The following ATRNL1 variants were observed in gnomAD, a reference collection of about 807,000 sequenced individuals.
The protein encoded by ATRNL1 is attractin-like protein 1.
ATRNL1 carries 95 observed loss-of-function variants against 182.7 expected under a neutral mutation model. The ratio of observed to expected loss-of-function variants is 0.52; its 90% CI spans 0.44 to 0.62. The LOEUF is 0.62. Among genes scored for constraint, ATRNL1 ranks in the 20% least tolerant of loss-of-function variants. The probability of loss-of-function intolerance (pLI) is 0.00; values close to 1 mark genes in which losing one functional copy is unlikely to be tolerated. For missense variants in ATRNL1, 1,471 were observed against 1,679.5 expected, an observed-to-expected ratio of 0.88 and a Z score of 2.17; for synonymous variants, 576 against 568.3, an observed-to-expected ratio of 1.01 and a Z score of -0.19.
intron 19 of ATRNL1, among the ~76,000 whole-genome samples, chr10:115,360,614 C>A (rs116491811): frequency 6.7e-6 from 1 of 150,130 alleles, no homozygotes; most frequent in Non-Finnish European, 1.5e-5. Context: ...AAAAAAAATC[C>A]GATTATTAGT....
chr10:115,561,553 C>T lies in ATRNL1; in HGVS notation c.3795+12017C>T, dbSNP rs782014345. On this transcript the variant is annotated intron_variant, in intron 26 of 28. Transcript: ENST00000355044. ...GAAATGATATAAATGGGAAAATGTG[C>T]ATAGGTTATATGCCACTATGACACC... 5.9e-5 allele frequency among the ~76,000 whole-genome samples: 9 copies of T among 151,974 alleles called. 1 individual carries two copies. The highest frequency in any genetic ancestry group is 1.3e-4 in the Non-Finnish European group (9 of 68,014).
At chr10:115,442,270 G>GCTCTCTCTCTCT (rs71895625) in intron 21 of ATRNL1, among the ~76,000 whole-genome samples, 1,145 of 100,346 alleles carry the variant, frequency 0.011, 52 homozygotes, top group African/African-American at 0.047. Context: ...ATTTGTGTTT[G>GCTCTCTCTCTCT]CTCTCTCTCT....
At chr10:115,628,794 G>A (rs1409813835) in intron 26 of ATRNL1, among the ~76,000 whole-genome samples, 2 of 152,038 alleles carry the variant, frequency 1.3e-5, no homozygotes, top group African/African-American at 4.8e-5. Context: ...AATAGTATTT[G>A]GTTGGTGCAA....
chr10:115,547,099 C>CA (rs1411080119), intron 25 of ATRNL1, among the ~76,000 whole-genome samples: 2 of 151,338 alleles, frequency 1.3e-5, no homozygotes, highest in African/African-American at 4.9e-5. Context: ...ACTAAAAATA[C>CA]AAAAAAATTA....
intron 22 of ATRNL1, among the ~76,000 whole-genome samples, chr10:115,462,572 A>G (rs957516145): frequency 5.9e-5 from 9 of 152,142 alleles, no homozygotes; most frequent in Non-Finnish European, 1.0e-4. Flanking sequence ...AGATCACGCC[A>G]CTGCACTCCA....
chr10:115,236,749 T>G (rs1554901521), intron 9 of ATRNL1, among the ~76,000 whole-genome samples: 1 of 152,190 alleles, frequency 6.6e-6, no homozygotes, highest in East Asian at 1.9e-4. Context: ...TGTTGATACA[T>G]TACTCATTAA....
intron 8 of ATRNL1, among the ~76,000 whole-genome samples, chr10:115,199,372 C>T (rs1476099419): frequency 1.3e-5 from 2 of 151,892 alleles, no homozygotes; most frequent in Non-Finnish European, 2.9e-5. Context: ...CGAGACCTTC[C>T]AGGCCAACAT....
Position 115,944,742 on chromosome 10 carries a change from G to C in ATRNL1, c.4103G>C (p.Arg1368Pro). ...SKDKTSGVRN[R>P]KHLSTRQGTC... ...GATAAGACTTCTGGAGTCCGGAATCGAAAACACCTTTCAACACGTCAAGGA... is the reference window on the plus strand; with the variant it reads ...GATAAGACTTCTGGAGTCCGGAATCCAAAACACCTTTCAACACGTCAAGGA... Residue 1368 changes from arginine to proline, a missense_variant, in exon 29 of 29, where the codon CGA becomes CCA. Physicochemically the swap from Arg to Pro is moderately radical, Grantham distance 103. Around this residue, in one of 3 missense-constraint regions of ATRNL1, gnomAD observed 437 missense variants for 506.0 expected, o/e 0.86. Transcript: ENST00000355044. 1 of 1,613,634 alleles carries C rather than the reference G, an allele frequency of 6.2e-7. No individual in the cohort carries two copies. The highest frequency in any genetic ancestry group is 8.5e-7 in the Non-Finnish European group (1 of 1,179,716).
At chr10:115,354,554 C>T (rs934850049) in intron 19 of ATRNL1, among the ~76,000 whole-genome samples, 2 of 152,068 alleles carry the variant, frequency 1.3e-5, no homozygotes, top group Non-Finnish European at 2.9e-5. Context: ...AGGCTGCTGC[C>T]AGAAATATCA....
chr10:115,876,964 A>G (rs1951714445), intron 28 of ATRNL1, among the ~76,000 whole-genome samples: 1 of 152,230 alleles, frequency 6.6e-6, no homozygotes, highest in Non-Finnish European at 1.5e-5. Context: ...GGAATAGTAG[A>G]CAATTAGAAG....
intron 13 of ATRNL1, among the ~76,000 whole-genome samples, chr10:115,273,868 T>C (rs1851982743): frequency 6.6e-6 from 1 of 152,184 alleles, no homozygotes; most frequent in Non-Finnish European, 1.5e-5. Context: ...AGCCTGATCA[T>C]GTATATACCA....
chr10:115,272,517 A>T (rs1341941886), intron 13 of ATRNL1, among the ~76,000 whole-genome samples: 3 of 152,192 alleles, frequency 2.0e-5, no homozygotes, highest in Non-Finnish European at 4.4e-5. Context: ...GAATTAAGAC[A>T]TCTAGGTCAG....
chr10:115,768,346 T>G (rs187748411), intron 27 of ATRNL1, among the ~76,000 whole-genome samples: 6 of 152,246 alleles, frequency 3.9e-5, no homozygotes, highest in Admixed American at 2.0e-4. Flanking sequence ...AAAACCCTTT[T>G]TCTTTCTTGC....
chr10:115,342,445 TAAAC>T (rs1291713464), intron 19 of ATRNL1, among the ~76,000 whole-genome samples: 6 of 152,126 alleles, frequency 3.9e-5, no homozygotes, highest in South Asian at 2.1e-4. Flanking sequence ...ACTGTTTGCA[TAAAC>T]AAACAAGCAA....
At chr10:115,320,149 T>C (rs1219604057) in intron 18 of ATRNL1, among the ~76,000 whole-genome samples, 1 of 152,170 alleles carries the variant, frequency 6.6e-6, no homozygotes, top group Non-Finnish European at 1.5e-5. Flanking sequence ...CCTTTTCTTA[T>C]TAAGCTTAGT....
At chr10:115,447,367 T>C (rs1847053592) in intron 21 of ATRNL1, among the ~76,000 whole-genome samples, 1 of 151,796 alleles carries the variant, frequency 6.6e-6, no homozygotes, top group Non-Finnish European at 1.5e-5. Flanking sequence ...AACTGTATTT[T>C]GTTTTGTCCT....
intron 23 of ATRNL1, among the ~76,000 whole-genome samples, chr10:115,468,062 G>A (rs1167809539): frequency 6.6e-6 from 1 of 150,530 alleles, no homozygotes; most frequent in Non-Finnish European, 1.5e-5. Context: ...AGAATTAAGA[G>A]CTCTTTTGCA....
chr10:115,200,828 G>A (rs1477378736), intron 8 of ATRNL1, among the ~76,000 whole-genome samples: 5 of 146,968 alleles, frequency 3.4e-5, no homozygotes, highest in Non-Finnish European at 7.5e-5. Context: ...GGTTGAACTA[G>A]TTTACAGTCC....
intron 21 of ATRNL1, among the ~76,000 whole-genome samples, chr10:115,443,450 C>T (rs897771384): frequency 4.0e-5 from 6 of 150,674 alleles, no homozygotes; most frequent in Non-Finnish European, 8.8e-5. Flanking sequence ...GAGTTGAATC[C>T]ATTTATTTTT....
Sources: gnomAD v4.1 joint callset for allele counts (sites outside exome capture counted in the v4.1 genomes callset) on GRCh38, gnomAD v4.1.1 for gene constraint, gnomAD v4.1.1 regional missense constraint, MANE v1.5 for transcripts, NCBI Gene and HGNC (gene_info 2026-07-23, HGNC 2026-07-21) for gene names.